RTEL1: variants seen among roughly 807,000 people sequenced by gnomAD.
RTEL1 encodes regulator of telomere length.
RTEL1 carries 86 observed loss-of-function variants against 162.2 expected under a neutral mutation model. The ratio of observed to expected loss-of-function variants is 0.53; its 90% CI spans 0.45 to 0.63. The LOEUF (loss-of-function observed/expected upper bound fraction) is 0.63, where lower values mean the gene tolerates loss of function less well. RTEL1 is among the 30% of genes least tolerant of loss of function. The pLI is 0.00. For missense variants in RTEL1, 1,941 were observed against 1,750.2 expected, an observed-to-expected ratio of 1.11 and a Z score of -1.95; for synonymous variants, 958 against 717.9, an observed-to-expected ratio of 1.33 and a Z score of -5.35.
chr20:63,669,172 A>G (rs201079872), intron 8 of RTEL1, among the ~76,000 whole-genome samples: 4 of 152,196 alleles, frequency 2.6e-5, no homozygotes, highest in African/African-American at 7.2e-5. Flanking sequence ...TTTGACAAAC[A>G]TGCCAATTTA....
At chr20:63,665,923 G>C (rs558703898) in intron 6 of RTEL1, 81 bp from the exon 7 acceptor site, 6 of 1,361,512 alleles carry the variant, frequency 4.4e-6, no homozygotes, top group Non-Finnish European at 6.2e-6. Flanking sequence ...TGTAGGAGCC[G>C]TTCTGTCCTG....
Position 63,690,070 on chromosome 20 carries a change from C to A in RTEL1, c.2142-17C>A. 1 of 1,608,546 alleles carries A rather than the reference C, an allele frequency of 6.2e-7. No homozygotes were observed. The highest frequency in any genetic ancestry group is 8.5e-7 in the Non-Finnish European group (1 of 1,179,176). ...AGCGGCTGTGGGCAGGGCAGCAGGG[C>A]TATGGCCACCCCCCAGGTTCGCCTT... On this transcript the variant is annotated splice_polypyrimidine_tract_variant and intron_variant, in intron 24 of 34. Coordinates refer to ENST00000360203, the MANE Select transcript of RTEL1 (RefSeq NM_001283009.2).
chr20:63,685,581 C>A lies in RTEL1; in HGVS notation c.1250C>A (p.Ala417Asp), dbSNP rs994731449. The change falls in exon 15 of 35, where the codon GCC (alanine) becomes GAC (aspartate). Residue 417 changes from alanine (A) to aspartate (D), a missense_variant. Physicochemically the swap from Ala to Asp is moderately radical, Grantham distance 126 (BLOSUM62 -2). Transcript: ENST00000360203. Reference sequence around the variant, plus strand: ...CCTGGTTCCCCAGCAGGGCTGGGGGCCTTACAGTCCTATAAGGTAGGGGCC... The same window carrying A: ...CCTGGTTCCCCAGCAGGGCTGGGGGACTTACAGTCCTATAAGGTAGGGGCC... ...GSPGSPAGLG[A>D]LQSYKVHIHP... is the part of the protein sequence containing the mutation. The A allele has an allele frequency of 6.2e-7, 1 of 1,611,672 alleles. No homozygotes were observed. Among genetic ancestry groups the A allele is most frequent in the Non-Finnish European group, 8.5e-7 (1 of 1,179,622 alleles).
intron 9 of RTEL1, among the ~76,000 whole-genome samples, chr20:63,672,932 C>T (rs773327970): frequency 2.0e-5 from 3 of 152,208 alleles, no homozygotes; most frequent in South Asian, 2.1e-4. Context: ...CCTCTGCCCT[C>T]GGCAGCAGCA....
rs745549355 is a variant in RTEL1, at chr20:63,662,890, G to A, written c.538+1G>A. On this transcript the variant is annotated splice_donor_variant, in intron 6 of 34. Transcript: ENST00000360203. LOFTEE classifies it high-confidence loss of function. The stretch of plus-strand genomic sequence containing the variant: ...TGTCATTTCTACAACAACGTAGAAG[G>A]TACAAGCAGCTGGGTGGGACCAGGG... 1.9e-6 allele frequency: 3 copies of A among 1,613,706 alleles called. No individual in the cohort carries two copies. The highest frequency in any genetic ancestry group is 2.5e-6 in the Non-Finnish European group (3 of 1,179,720).
chr20:63,663,231 G>C (rs578150741), intron 6 of RTEL1, among the ~76,000 whole-genome samples: 1 of 152,230 alleles, frequency 6.6e-6, no homozygotes, highest in Non-Finnish European at 1.5e-5. Context: ...CTTTCTCTTC[G>C]GGGACTTTGT....
chr20:63,676,323 C>T (rs924829749), intron 10 of RTEL1, among the ~76,000 whole-genome samples: 19 of 152,120 alleles, frequency 1.2e-4, no homozygotes, highest in Admixed American at 6.6e-5. Flanking sequence ...GGAATCTGTA[C>T]AGGAGGGGCA....
At chr20:63,693,111 G>A (rs1171164067) in intron 29 of RTEL1, 32 bp from the exon 30 acceptor site, 1 of 1,612,046 alleles carries the variant, frequency 6.2e-7, no homozygotes, top group Non-Finnish European at 8.5e-7. Flanking sequence ...AGAAAAAGGG[G>A]CAGATGGGGA....
rs1163295709 is a variant in RTEL1 at position 63,692,661 on chromosome 20, C to T, written c.2653-144C>T. 1.9e-5 allele frequency: 15 copies of T among 773,138 alleles called. No homozygotes were observed. In the East Asian group the frequency reaches 2.4e-4, roughly 13 times the overall value. 47.9% of individuals were successfully genotyped at this position (773,138 alleles called of 1,614,324 possible). On this transcript the variant is annotated intron_variant, in intron 28 of 34. Transcript: ENST00000360203. ...TCCCGCAGCCCCTCCCTATGTCCAT[C>T]CAGCCAGCCAGTTTCTCAGGCAGCA...
At chr20:63,674,901 A>T (rs1446886477) in intron 10 of RTEL1, among the ~76,000 whole-genome samples, 3 of 148,002 alleles carry the variant, frequency 2.0e-5, no homozygotes, top group African/African-American at 7.5e-5. Flanking sequence ...GTTGGTCTAT[A>T]TTTTCTTTCT....
rs771462323 is a variant in RTEL1 at position 63,661,425 on chromosome 20, A to C, written c.230A>C (p.Gln77Pro). ...ISARKIAERA[Q>P]GELFPDRALS... ...GCCCGCAAGATTGCCGAGAGGGCGC[A>C]AGGAGAGCTTTTCCCGGATCGGGCC... The change falls in exon 3 of 35, where the codon CAA (glutamine) becomes CCA (proline). Residue 77 changes from glutamine to proline, a missense_variant. Gln to Pro is a moderately conservative substitution (Grantham distance 76). Transcript: ENST00000360203. The surrounding 1 kb of genome is among the most constrained non-coding windows in gnomAD (Gnocchi z 5.1). 6.2e-7 allele frequency: 1 copy of C among 1,613,656 alleles called. No homozygotes were observed. The highest frequency in any genetic ancestry group is 8.5e-7 in the Non-Finnish European group (1 of 1,180,006).
chr20:63,662,092 G>C lies in RTEL1; in HGVS notation c.395+149G>C, dbSNP rs2090031872. 11 of 690,604 alleles carry C rather than the reference G, an allele frequency of 1.6e-5. No individual in the cohort carries two copies. The South Asian group carries it at 1.8e-4, about 11-fold the overall frequency. The allele number at this position is 690,604 out of a possible 1,614,324, so 42.8% of individuals were successfully genotyped here. On this transcript the variant is annotated intron_variant, in intron 4 of 34. Coordinates refer to ENST00000360203, the MANE Select transcript of RTEL1 (RefSeq NM_001283009.2). ...AAGTGTGCAGAGCGCTGGTGCCCAG[G>C]GGTGGGGTGCGGCCTGGGCTGCCTC...
Position 63,666,009 on chromosome 20 carries a change from A to C in RTEL1, c.544A>C (p.Ser182Arg). ...CHFYNNVEEK[S>R]LEQELASPIL... ...CCCCTGCCTCACACCTGCAGAAAAA[A>C]GCCTGGAGCAGGAGCTGGCCAGCCC... Residue 182 changes from serine (S) to arginine (R), a missense_variant, in exon 7 of 35, where the codon AGC becomes CGC. Physicochemically the swap from Ser to Arg is moderately radical, Grantham distance 110. Transcript: ENST00000360203. 1 of 1,613,980 alleles carries C rather than the reference A, an allele frequency of 6.2e-7. No homozygotes were observed. Among genetic ancestry groups the C allele is most frequent in the Non-Finnish European group, 8.5e-7 (1 of 1,179,930 alleles).
At chr20:63,693,468 T>A (rs12479741) in intron 30 of RTEL1, among the ~76,000 whole-genome samples, 185 bp downstream of exon 30, 3,640 of 9,578 alleles carry the variant, frequency 0.38, 517 homozygotes, top group African/African-American at 0.4. Context: ...CACCTCCACC[T>A]CCACCTCCAC....
At position 63,694,661 on chromosome 20, in the gene RTEL1, T is replaced by C. The variant is rs1171506573; in HGVS notation, c.3110-80T>C. On this transcript the variant is annotated intron_variant, in intron 31 of 34. Transcript: ENST00000360203. ...TCCTGAGCAGCTCTCCAGGAGTTCC[T>C]GGAGGAAGGGCGGGCAGGGCGGTGG... 5 of 1,357,388 alleles carry C rather than the reference T, an allele frequency of 3.7e-6. No homozygotes were observed. The Admixed American group carries it at 1.2e-4, about 31-fold the overall frequency. 84.1% of individuals were successfully genotyped at this position (1,357,388 alleles called of 1,614,324 possible). A position where few individuals can be genotyped will look rare whatever the true frequency, so the allele number is the denominator to read the frequency against.
At chr20:63,693,908 T>C (rs995632241) in intron 30 of RTEL1, among the ~76,000 whole-genome samples, 1 of 150,594 alleles carries the variant, frequency 6.6e-6, no homozygotes, top group Non-Finnish European at 1.5e-5. Flanking sequence ...GGGGGTCAAC[T>C]GCACACGCCA....
intron 14 of RTEL1, among the ~76,000 whole-genome samples, chr20:63,684,275 T>G (rs971745991): frequency 6.6e-6 from 1 of 152,160 alleles, no homozygotes; most frequent in Non-Finnish European, 1.5e-5. Context: ...CCAACTCCAC[T>G]GGGCACCTGC....
intron 30 of RTEL1, 131 bp downstream of exon 30, chr20:63,693,414 A>AGG: frequency 1.8e-6 from 2 of 1,088,294 alleles, no homozygotes; most frequent in Non-Finnish European, 2.6e-6. Flanking sequence ...TATGGGAGTG[A>AGG]TGGGGGCCTC....
intron 2 of RTEL1, among the ~76,000 whole-genome samples, chr20:63,660,152 T>A (rs1601079873): frequency 6.6e-6 from 1 of 152,026 alleles, no homozygotes. Flanking sequence ...TACAATCGGG[T>A]TTTATACCGA....
Sources: allele counts gnomAD v4.1 joint callset (sites outside exome capture counted in the v4.1 genomes callset), GRCh38; gene constraint gnomAD v4.1.1; non-coding constraint Gnocchi (gnomAD v3.1); transcripts MANE v1.5; gene names NCBI Gene and HGNC (gene_info 2026-07-23, HGNC 2026-07-21).